The following UBAC2 variants were observed in gnomAD, a reference collection of about 807,000 sequenced individuals.
UBAC2 encodes the protein ubiquitin-associated domain-containing protein 2.
A neutral mutation model predicts 44.0 loss-of-function variants in UBAC2; 26 were observed. The ratio of observed to expected loss-of-function variants is 0.59; its 90% CI spans 0.43 to 0.82. The LOEUF is 0.82. Among genes scored for constraint, UBAC2 ranks in the 40% least tolerant of loss-of-function variants. UBAC2 has a pLI of 0.00. For missense variants in UBAC2, 329 were observed against 419.4 expected (o/e 0.78, Z 1.88); for synonymous variants, 155 against 154.3 (o/e 1.00, Z -0.04).
intron 2 of UBAC2, 63 bp from the exon 3 acceptor site, chr13:99,243,769 C>A (rs2043348688): frequency 1.4e-6 from 2 of 1,480,914 alleles, no homozygotes; most frequent in African/African-American, 1.4e-5. Context: ...AACAAATTTG[C>A]TAAGGAAGAG....
intron 1 of UBAC2, among the ~76,000 whole-genome samples, chr13:99,233,377 C>T (rs2043197933): frequency 6.6e-6 from 1 of 152,156 alleles, no homozygotes; most frequent in Non-Finnish European, 1.5e-5. Flanking sequence ...TCCCAAAGTG[C>T]TGGGATTATA....
chr13:99,236,477 A>G (rs1004798098), intron 1 of UBAC2, among the ~76,000 whole-genome samples: 2 of 152,252 alleles, frequency 1.3e-5, no homozygotes, highest in Non-Finnish European at 2.9e-5. Flanking sequence ...AACATTATTG[A>G]TCATCAGAGA....
At chr13:99,245,305 G>C (rs528783516) in intron 4 of UBAC2, among the ~76,000 whole-genome samples, 1 of 152,186 alleles carries the variant, frequency 6.6e-6, no homozygotes, top group African/African-American at 2.4e-5. Flanking sequence ...AAATTAATTT[G>C]TACGAAGTTA....
intron 3 of UBAC2, 54 bp from the exon 4 acceptor site, chr13:99,244,457 TGTTA>T: frequency 9.1e-6 from 11 of 1,202,274 alleles, no homozygotes; most frequent in Non-Finnish European, 1.3e-5. Context: ...GCTGAATAAA[TGTTA>T]GTTTATTTTT....
At chr13:99,234,939 TCTC>T (rs2043217049) in intron 1 of UBAC2, among the ~76,000 whole-genome samples, 1 of 152,262 alleles carries the variant, frequency 6.6e-6, no homozygotes, top group Non-Finnish European at 1.5e-5. Context: ...CTTCTTTTTT[TCTC>T]TCATATCAGA....
Position 99,215,329 on chromosome 13 carries a change from C to A in UBAC2, c.31+14390C>A, listed in dbSNP as rs59451553. 437 of 825,224 alleles carry A rather than the reference C, an allele frequency of 5.3e-4. No individual in the cohort carries two copies. The African/African-American group carries it at 6.7e-3, about 13-fold the overall frequency. 51.1% of individuals were successfully genotyped at this position (825,224 alleles called of 1,614,324 possible). A position where few individuals can be genotyped will look rare whatever the true frequency, so the allele number is the denominator to read the frequency against. On this transcript the variant is annotated intron_variant, in intron 1 of 8. Transcript: ENST00000403766. Reference sequence around the variant, plus strand: ...GCATCACCAACACTGGACAGCTGTTCTTTTATTTAGAGTCCTGAGATAACA... The same window carrying A: ...GCATCACCAACACTGGACAGCTGTTATTTTATTTAGAGTCCTGAGATAACA...
At chr13:99,323,112 T>C (rs770837707) in intron 6 of UBAC2, among the ~76,000 whole-genome samples, 5 of 151,990 alleles carry the variant, frequency 3.3e-5, no homozygotes, top group Non-Finnish European at 7.4e-5. Flanking sequence ...TGTGCCCAGC[T>C]CTCTCTTCTC....
At chr13:99,219,870 C>A (rs192825677) in intron 1 of UBAC2, among the ~76,000 whole-genome samples, 1 of 152,208 alleles carries the variant, frequency 6.6e-6, no homozygotes, top group Non-Finnish European at 1.5e-5. Flanking sequence ...TTTTGAGGTT[C>A]ATCTATGTTG....
At position 99,295,388 on chromosome 13, in the gene UBAC2, A is replaced by G. The variant is rs756018610; in HGVS notation, c.390-18709A>G. 21 of 1,614,000 alleles carry G rather than the reference A, an allele frequency of 1.3e-5. No homozygotes were observed. The highest frequency in any genetic ancestry group is 8.5e-7 in the Non-Finnish European group (1 of 1,180,000). On this transcript the variant is annotated intron_variant, in intron 4 of 8. Transcript: ENST00000403766. This position sits in a 1 kb window ranked among gnomAD's most constrained non-coding sequence, Gnocchi z 4.1. ...ATGGTAAGGTGTGAAACAGAGAACA[A>G]ACACAACAATAATAAGAATAATTGT...
chr13:99,244,221 AATTT>A lies in UBAC2; in HGVS notation c.279+275_279+278del, dbSNP rs777569805. On this transcript the variant is annotated intron_variant, in intron 3 of 8. Transcript: ENST00000403766. ...AATACTTTGACTTTAATAAAATTAT[AATTT>A]ATTTTGCTTAGTGGTTTGTGTTTTA... 1.4e-3 allele frequency among the ~76,000 whole-genome samples: 219 copies of A among 152,286 alleles called. 1 individual carries two copies. The highest frequency in any genetic ancestry group is 1.1e-3 in the Non-Finnish European group (78 of 68,002).
intron 7 of UBAC2, among the ~76,000 whole-genome samples, chr13:99,345,742 T>C (rs1490452279): frequency 8.4e-6 from 1 of 119,576 alleles, no homozygotes; most frequent in Admixed American, 8.3e-5. Flanking sequence ...TTTTTCTTTC[T>C]TTTTTTTTTT....
At chr13:99,311,893 G>A (rs891886764) in intron 4 of UBAC2, among the ~76,000 whole-genome samples, 5 of 152,182 alleles carry the variant, frequency 3.3e-5, no homozygotes, top group African/African-American at 1.2e-4. Context: ...TGGGCAAGTG[G>A]GGGTAGGAAC....
chr13:99,347,888 T>C (rs973539749), intron 7 of UBAC2, among the ~76,000 whole-genome samples: 1 of 151,898 alleles, frequency 6.6e-6, no homozygotes, highest in African/African-American at 2.4e-5. Flanking sequence ...GAGTATTAGC[T>C]GCAGCCTGTG....
At chr13:99,356,086 A>G (rs72649597) in intron 7 of UBAC2, 11,214 of 505,122 alleles carry the variant, frequency 0.022, 206 homozygotes, top group Non-Finnish European at 0.035. Flanking sequence ...CTGAAAAGAA[A>G]TGTCATTAAA....
At chr13:99,242,232 C>T (rs532604361) in intron 2 of UBAC2, among the ~76,000 whole-genome samples, 3 of 151,802 alleles carry the variant, frequency 2.0e-5, no homozygotes, top group Admixed American at 2.0e-4. Context: ...CATCATGGCC[C>T]GTTCTCAATG....
intron 6 of UBAC2, among the ~76,000 whole-genome samples, chr13:99,334,321 A>T (rs1421537276): frequency 6.6e-6 from 1 of 152,214 alleles, no homozygotes; most frequent in African/African-American, 2.4e-5. Flanking sequence ...AACGCAGTGG[A>T]TGGGAAGACA....
intron 1 of UBAC2, chr13:99,215,253 T>G: frequency 1.5e-6 from 1 of 656,924 alleles, no homozygotes; most frequent in Non-Finnish European, 2.8e-6. Flanking sequence ...CTTGCCCAAA[T>G]AGAATTACAA....
intron 8 of UBAC2, among the ~76,000 whole-genome samples, chr13:99,384,358 T>G (rs1046557957): frequency 3.3e-5 from 5 of 152,236 alleles, no homozygotes. Flanking sequence ...TGTGGCAATC[T>G]GGGGCCATGA....
chr13:99,373,418 C>G (rs949805733), intron 8 of UBAC2, among the ~76,000 whole-genome samples: 6 of 152,222 alleles, frequency 3.9e-5, no homozygotes, highest in African/African-American at 1.4e-4. Flanking sequence ...GAGCAAATTT[C>G]AGCTTCCTCT....
Sources: gnomAD v4.1 joint callset for allele counts (sites outside exome capture counted in the v4.1 genomes callset) on GRCh38, gnomAD v4.1.1 for gene constraint, Gnocchi (gnomAD v3.1) non-coding constraint, MANE v1.5 for transcripts, NCBI Gene and HGNC (gene_info 2026-07-23, HGNC 2026-07-21) for gene names.